DNAH9: variants seen among roughly 807,000 people sequenced by gnomAD.
DNAH9 encodes dynein axonemal heavy chain 9.
In DNAH9, 345 loss-of-function variants were observed where a neutral mutation model predicts 471.6. The observed-to-expected ratio is 0.73, with a 90% CI of 0.67 to 0.80. DNAH9 has a LOEUF of 0.80. DNAH9 is among the 30% of genes least tolerant of loss of function. The probability of loss-of-function intolerance (pLI) is 0.00; values close to 1 mark genes in which losing one functional copy is unlikely to be tolerated. For synonymous variants in DNAH9, 2,093 were observed against 2,123.6 expected (o/e 0.99, Z 0.40); for missense variants, 5,407 against 5,609.2 (o/e 0.96, Z 1.15).
At position 11,639,298 on chromosome 17, in the gene DNAH9, G is replaced by A. The variant is rs892363731; in HGVS notation, c.1787-972G>A. Among the ~76,000 whole-genome samples the A allele has an allele frequency of 5.8e-4, 88 of 152,164 alleles. 1 individual carries two copies. Among genetic ancestry groups the A allele is most frequent in the African/African-American group, 2.1e-3 (86 of 41,436 alleles). On this transcript the variant is annotated intron_variant, in intron 9 of 68. Coordinates refer to ENST00000262442, the MANE Select transcript of DNAH9 (RefSeq NM_001372.4). ...GTGACACTAGGGAAGGGTGGTACCC[G>A]CGGTGAAATAAAGGAAGTAGCCACT...
At chr17:11,646,819 A>G (rs1010238293) in intron 11 of DNAH9, among the ~76,000 whole-genome samples, 1 of 152,174 alleles carries the variant, frequency 6.6e-6, no homozygotes, top group Non-Finnish European at 1.5e-5. Context: ...AGGCTGAGGC[A>G]GGAGAATCAC....
At chr17:11,662,945 C>T (rs2073800006) in intron 14 of DNAH9, among the ~76,000 whole-genome samples, 1 of 151,338 alleles carries the variant, frequency 6.6e-6, no homozygotes, top group Non-Finnish European at 1.5e-5. Flanking sequence ...TTAGTAGAGA[C>T]GGGGTTTCAC....
chr17:11,883,316 C>A, intron 55 of DNAH9: 1 of 1,182,258 alleles, frequency 8.5e-7, no homozygotes, highest in Non-Finnish European at 1.1e-6. Context: ...GCCCATTGTG[C>A]ATTAAGCATA....
rs1974957518 is a variant in DNAH9 at position 11,942,450 on chromosome 17, C to T, written c.12808C>T (p.Gln4270Ter). 6.2e-7 allele frequency: 1 copy of T among 1,614,156 alleles called. No homozygotes were observed. Among genetic ancestry groups the T allele is most frequent in the African/African-American group, 1.3e-5 (1 of 75,052 alleles). ...GATGAATATCCTCACCAGAGAGATTCAGCGCTCACTGAGGGAGCTGGAGCT... is the reference window on the plus strand; with the variant it reads ...GATGAATATCCTCACCAGAGAGATTTAGCGCTCACTGAGGGAGCTGGAGCT... ...GRMNILTREI[Q>*]RSLRELELGL... Residue 4270 changes from glutamine to a stop codon, truncating the protein, a stop_gained, in exon 67 of 69, where the codon CAG (glutamine) becomes TAG (stop). Transcript: ENST00000262442. LOFTEE classifies it high-confidence loss of function.
At chr17:11,647,492 TTA>T (rs2073418039) in intron 12 of DNAH9, among the ~76,000 whole-genome samples, 1 of 152,190 alleles carries the variant, frequency 6.6e-6, no homozygotes, top group Non-Finnish European at 1.5e-5. Flanking sequence ...GTGTAGTGTT[TTA>T]TTAAGTTGTC....
intron 67 of DNAH9, among the ~76,000 whole-genome samples, chr17:11,959,029 T>A (rs966240436): frequency 6.6e-6 from 1 of 152,188 alleles, no homozygotes; most frequent in African/African-American, 2.4e-5. Flanking sequence ...TTAAAAATCA[T>A]ATGATCATCT....
chr17:11,958,008 G>A (rs568300936), intron 67 of DNAH9, among the ~76,000 whole-genome samples: 55 of 152,264 alleles, frequency 3.6e-4, no homozygotes, highest in African/African-American at 1.3e-3. Context: ...AAACTTGGAA[G>A]AAACCAAGAT....
At chr17:11,870,946 A>G (rs568296591) in intron 51 of DNAH9, among the ~76,000 whole-genome samples, 5 of 152,310 alleles carry the variant, frequency 3.3e-5, no homozygotes, top group African/African-American at 1.2e-4. Context: ...GTGACGTTCC[A>G]TGATGTTATC....
chr17:11,819,964 G>A (rs1265315194), intron 45 of DNAH9, among the ~76,000 whole-genome samples: 1 of 151,936 alleles, frequency 6.6e-6, no homozygotes, highest in Non-Finnish European at 1.5e-5. Flanking sequence ...ACGGTTTGGG[G>A]CCTCCTATAT....
In DNAH9 at chr17:11,932,040, G is replaced by C. The variant is rs1324847752; in HGVS notation, c.12132G>C (p.Glu4044Asp). 7.4e-6 allele frequency: 12 copies of C among 1,614,072 alleles called. No homozygotes were observed. Among genetic ancestry groups the C allele is most frequent in the Non-Finnish European group, 8.5e-6 (10 of 1,180,042 alleles). ...ACACTCTGGAGATGTGTTCTCGGGA[G>C]ACGGAGTTTAAGAGCATCCTCTTTG... The part of the protein sequence containing the change: ...TQDTLEMCSR[E>D]TEFKSILFAL... The change falls in exon 64 of 69, where the codon GAG (glutamate) becomes GAC (aspartate). Residue 4044 changes from glutamate to aspartate, a missense_variant. Physicochemically the swap from Glu to Asp is conservative, Grantham distance 45. This residue lies in a region of DNAH9 where 4,636 missense variants were observed against 4,900.3 expected (regional missense o/e 0.95). Transcript: ENST00000262442. The surrounding 1 kb of genome is among the most constrained non-coding windows in gnomAD (Gnocchi z 4.3).
chr17:11,803,135 C>T (rs1279526674), intron 43 of DNAH9, among the ~76,000 whole-genome samples: 2 of 152,154 alleles, frequency 1.3e-5, no homozygotes, highest in Non-Finnish European at 2.9e-5. Context: ...CTTAGTAGTA[C>T]CACTTTTCTA....
rs556779874 is a variant in DNAH9 at position 11,669,136 on chromosome 17, C to T, written c.2804C>T (p.Pro935Leu). 4 of 1,613,468 alleles carry T rather than the reference C, an allele frequency of 2.5e-6. No individual in the cohort carries two copies. The highest frequency in any genetic ancestry group is 2.7e-5 in the African/African-American group (2 of 74,972). Residue 935 changes from proline (P) to leucine (L), a missense_variant, in exon 16 of 69, where the codon CCG (proline) becomes CTG (leucine). Around this residue, in one of 3 missense-constraint regions of DNAH9, gnomAD observed 4,636 missense variants for 4,900.3 expected, o/e 0.95. Transcript: ENST00000262442. ...SLAIPELVFY[P>L]SLESGVKGGF... is the part of the protein sequence containing the mutation. ...GCCATCCCAGAGCTAGTTTTCTATC[C>T]GTCTCTGGAGTCTGGAGTGAAGGGG... is the stretch of plus-strand genomic sequence containing the variant.
In DNAH9 at chr17:11,932,198, A is replaced by G. The variant is rs1974539308; in HGVS notation, c.12290A>G (p.Asn4097Ser). 1.9e-6 allele frequency: 3 copies of G among 1,613,994 alleles called. No individual in the cohort carries two copies. Among genetic ancestry groups the G allele is most frequent in the Non-Finnish European group, 2.5e-6 (3 of 1,179,966 alleles). ...VNVLYNFLEANAKVPYDDLRY... is the reference protein window; with the variant it reads ...VNVLYNFLEASAKVPYDDLRY... ...GTCCTCTACAACTTCCTGGAGGCCAACGCAAAGGTAAAGGCCATGGACATT... is the reference window on the plus strand; with the variant it reads ...GTCCTCTACAACTTCCTGGAGGCCAGCGCAAAGGTAAAGGCCATGGACATT... Residue 4097 changes from asparagine to serine, a missense_variant, in exon 64 of 69, where the codon AAC becomes AGC. Asn to Ser is a conservative substitution (Grantham distance 46). Coordinates refer to ENST00000262442, the MANE Select transcript of DNAH9 (RefSeq NM_001372.4). The surrounding 1 kb of genome is among the most constrained non-coding windows in gnomAD (Gnocchi z 4.3).
chr17:11,694,709 TCTC>T lies in DNAH9; in HGVS notation c.4872+263_4872+265del, dbSNP rs2074412961. On this transcript the variant is annotated intron_variant, in intron 22 of 68. Coordinates refer to ENST00000262442, the MANE Select transcript of DNAH9 (RefSeq NM_001372.4). Reference sequence around the variant, plus strand: ...TTCTCGCTTTCTCGCTTTCTCTCTCTCTCTCTCTCTCTCTCTCTTTCTCTTTCT... The same window carrying T: ...TTCTCGCTTTCTCGCTTTCTCTCTCTTCTCTCTCTCTCTCTTTCTCTTTCT... Among the ~76,000 whole-genome samples the T allele has an allele frequency of 5.5e-3, 30 of 5,440 alleles. 12 individuals are homozygous for T. Among genetic ancestry groups the T allele is most frequent in the Admixed American group, 7.5e-3 (2 of 268 alleles). The allele number at this position is 5,440 out of a possible 152,430, so 3.6% of individuals were successfully genotyped here.
chr17:11,820,999 T>C lies in DNAH9; in HGVS notation c.8708-921T>C, dbSNP rs1970288314. Among the ~76,000 whole-genome samples, 2 of 152,160 alleles carry C rather than the reference T, an allele frequency of 1.3e-5. 1 individual carries two copies. Among genetic ancestry groups the C allele is most frequent in the South Asian group, 4.1e-4 (2 of 4,834 alleles). On this transcript the variant is annotated intron_variant, in intron 45 of 68. Coordinates refer to ENST00000262442, the MANE Select transcript of DNAH9 (RefSeq NM_001372.4). ...TAGTGTGCTGTATAAGATCAAGATC[T>C]GGCCAGGCGCAGTGGCTCATGCCTA...
At position 11,757,529 on chromosome 17, in the gene DNAH9, T is replaced by C. The variant is rs1403684767; in HGVS notation, c.6848-16T>C. ...TATATGGAATATTCACTAAACTGTA[T>C]TCTCTGTGCTCACAGGGATCTTGTA... On this transcript the variant is annotated splice_polypyrimidine_tract_variant and intron_variant, in intron 34 of 68. Coordinates refer to ENST00000262442, the MANE Select transcript of DNAH9 (RefSeq NM_001372.4). 1.9e-6 allele frequency: 3 copies of C among 1,606,494 alleles called. No homozygotes were observed. The Admixed American group carries it at 5.0e-5, about 27-fold the overall frequency.
intron 67 of DNAH9, among the ~76,000 whole-genome samples, chr17:11,958,886 G>A (rs1414794588): frequency 3.3e-5 from 5 of 152,084 alleles, no homozygotes; most frequent in African/African-American, 1.2e-4. Context: ...TTAGCAAAAT[G>A]TTAACAAATC....
chr17:11,951,287 G>A (rs1229686951), intron 67 of DNAH9, among the ~76,000 whole-genome samples: 1 of 152,176 alleles, frequency 6.6e-6, no homozygotes, highest in African/African-American at 2.4e-5. Context: ...CACTTTTGAA[G>A]TGAGTCATGA....
At position 11,962,191 on chromosome 17, in the gene DNAH9, A is replaced by C; in HGVS notation, c.13168A>C (p.Ser4390Arg). 1 of 1,614,088 alleles carries C rather than the reference A, an allele frequency of 6.2e-7. No individual in the cohort carries two copies. The highest frequency in any genetic ancestry group is 8.5e-7 in the Non-Finnish European group (1 of 1,180,016). The change falls in exon 68 of 69, where the codon AGT becomes CGT. Residue 4390 changes from serine (S) to arginine (R), a missense_variant. By Grantham distance (110) the Ser-to-Arg change is moderately radical. This residue lies in a region of DNAH9 where 4,636 missense variants were observed against 4,900.3 expected (regional missense o/e 0.95). Coordinates refer to ENST00000262442, the MANE Select transcript of DNAH9 (RefSeq NM_001372.4). This position sits in a 1 kb window ranked among gnomAD's most constrained non-coding sequence, Gnocchi z 4.1. ...GAAGAAGAACAGAGAAGAGTTTAGG[A>C]GTCCTCCTCGGGAAGGGGCCTACAT... Reference protein sequence around the residue: ...MTKKNREEFRSPPREGAYIHG... With the variant: ...MTKKNREEFRRPPREGAYIHG...
Sources: allele counts gnomAD v4.1 joint callset (sites outside exome capture counted in the v4.1 genomes callset), GRCh38; gene constraint gnomAD v4.1.1; regional missense constraint gnomAD v4.1.1; non-coding constraint Gnocchi (gnomAD v3.1); transcripts MANE v1.5; gene names NCBI Gene and HGNC (gene_info 2026-07-23, HGNC 2026-07-21).